The following C1orf21 variants were observed in gnomAD, a reference collection of about 807,000 sequenced individuals.
C1orf21 encodes uncharacterized protein C1orf21.
C1orf21 carries 3 observed loss-of-function variants against 18.7 expected under a neutral mutation model. The ratio of observed to expected loss-of-function variants is 0.16; its 90% CI spans 0.07 to 0.42. The LOEUF is 0.42. Ranked by LOEUF, C1orf21 falls within the 10% of genes least tolerant of loss-of-function variation. The pLI, the probability that C1orf21 is intolerant of heterozygous loss-of-function variation, is 0.99. For synonymous variants in C1orf21, 41 were observed against 46.4 expected, an observed-to-expected ratio of 0.88 and a Z score of 0.47; for missense variants, 104 against 143.6, an observed-to-expected ratio of 0.72 and a Z score of 1.41.
chr1:184,463,925 G>T (rs1657347243), intron 1 of C1orf21, among the ~76,000 whole-genome samples: 1 of 152,198 alleles, frequency 6.6e-6, no homozygotes, highest in African/African-American at 2.4e-5. Context: ...GATAAGACTT[G>T]TTCTGGACCT....
chr1:184,596,403 C>G (rs146299293), intron 4 of C1orf21, among the ~76,000 whole-genome samples: 1 of 152,018 alleles, frequency 6.6e-6, no homozygotes, highest in South Asian at 2.1e-4. Context: ...TATTTTTGGC[C>G]CTCCTGCTAT....
chr1:184,573,982 G>A (rs1407909405), intron 3 of C1orf21, among the ~76,000 whole-genome samples: 1 of 152,076 alleles, frequency 6.6e-6, no homozygotes, highest in African/African-American at 2.4e-5. Context: ...ATCACCTGAG[G>A]TCAGGAGTTT....
chr1:184,470,207 CT>C (rs1657473984), intron 1 of C1orf21, among the ~76,000 whole-genome samples: 1 of 152,078 alleles, frequency 6.6e-6, no homozygotes, highest in South Asian at 2.1e-4. Context: ...TATGAGGGCC[CT>C]CTGGGCAAGC....
At chr1:184,492,755 G>A (rs1358749250) in intron 2 of C1orf21, among the ~76,000 whole-genome samples, 1 of 152,198 alleles carries the variant, frequency 6.6e-6, no homozygotes, top group East Asian at 1.9e-4. Flanking sequence ...GCTAGTCAGT[G>A]AAGGATTCCA....
In C1orf21 at chr1:184,511,374, A is replaced by G. The variant is rs562124980; in HGVS notation, c.189+3692A>G. On this transcript the variant is annotated intron_variant, in intron 3 of 5. Coordinates refer to ENST00000235307, the MANE Select transcript of C1orf21 (RefSeq NM_030806.4). The stretch of plus-strand genomic sequence containing the variant: ...CGCTTTCTGGTAGCAGATAGCAGGC[A>G]TGTGACCTAAATTACCACAATTCAG... 3.9e-5 allele frequency among the ~76,000 whole-genome samples: 6 copies of G among 152,300 alleles called. 1 individual carries two copies. The South Asian group carries it at 1.0e-3, about 26-fold the overall frequency.
chr1:184,523,125 A>G (rs971663239), intron 3 of C1orf21, among the ~76,000 whole-genome samples: 18 of 152,226 alleles, frequency 1.2e-4, no homozygotes, highest in Admixed American at 3.3e-4. Flanking sequence ...TAGATAGTCT[A>G]CCCTTGAGGA....
At chr1:184,573,210 C>T (rs1659139325) in intron 3 of C1orf21, among the ~76,000 whole-genome samples, 2 of 152,196 alleles carry the variant, frequency 1.3e-5, no homozygotes, top group South Asian at 4.1e-4. Context: ...GCAGCGTTTA[C>T]CCCGAGATAA....
chr1:184,473,413 G>A (rs1399912890), intron 1 of C1orf21, among the ~76,000 whole-genome samples: 1 of 152,040 alleles, frequency 6.6e-6, no homozygotes, highest in Non-Finnish European at 1.5e-5. Context: ...AAACAATAGA[G>A]CATGTGAGGT....
chr1:184,428,215 A>G (rs528195581), intron 1 of C1orf21, among the ~76,000 whole-genome samples: 3 of 142,760 alleles, frequency 2.1e-5, no homozygotes, highest in South Asian at 4.4e-4. Flanking sequence ...CAACTATTGG[A>G]ACATTTTCCA....
At chr1:184,532,989 A>T (rs1658490186) in intron 3 of C1orf21, among the ~76,000 whole-genome samples, 2 of 152,198 alleles carry the variant, frequency 1.3e-5, no homozygotes, top group Admixed American at 6.5e-5. Flanking sequence ...TCTTACCACC[A>T]TCATGAGTAT....
chr1:184,619,486 T>C, intron 5 of C1orf21, 32 bp from the exon 6 acceptor site: 2 of 1,609,120 alleles, frequency 1.2e-6, no homozygotes, highest in African/African-American at 2.7e-5. Flanking sequence ...GAATTTCTCA[T>C]TCACATGCTC....
chr1:184,392,075 A>T (rs891871499), intron 1 of C1orf21, among the ~76,000 whole-genome samples: 17 of 152,314 alleles, frequency 1.1e-4, no homozygotes, highest in Non-Finnish European at 1.9e-4. Flanking sequence ...TGTATTTGAC[A>T]GGCGTTCCTT....
At chr1:184,517,178 T>C (rs1658242588) in intron 3 of C1orf21, among the ~76,000 whole-genome samples, 1 of 152,226 alleles carries the variant, frequency 6.6e-6, no homozygotes, top group Admixed American at 6.5e-5. Flanking sequence ...GGCTTGTAAA[T>C]GAATGTTAAA....
At chr1:184,561,804 G>A (rs1658969368) in intron 3 of C1orf21, among the ~76,000 whole-genome samples, 1 of 152,068 alleles carries the variant, frequency 6.6e-6, no homozygotes, top group Non-Finnish European at 1.5e-5. Flanking sequence ...TTTTAGTAGA[G>A]ACGGGGTTTC....
intron 3 of C1orf21, among the ~76,000 whole-genome samples, chr1:184,574,432 A>T (rs908577152): frequency 6.6e-6 from 1 of 152,242 alleles, no homozygotes; most frequent in Middle Eastern, 3.2e-3. Flanking sequence ...AAACCATATA[A>T]GTAGTCAGCT....
At chr1:184,456,728 G>T (rs1053540716) in intron 1 of C1orf21, among the ~76,000 whole-genome samples, 4 of 152,064 alleles carry the variant, frequency 2.6e-5, no homozygotes, top group Admixed American at 2.6e-4. Flanking sequence ...GACTCCATCC[G>T]ATAGGCACAC....
At chr1:184,398,541 C>A (rs149061961) in intron 1 of C1orf21, among the ~76,000 whole-genome samples, 2 of 152,302 alleles carry the variant, frequency 1.3e-5, no homozygotes, top group Admixed American at 1.3e-4. Context: ...AATAGATTGT[C>A]ATTTAACCAC....
intron 4 of C1orf21, among the ~76,000 whole-genome samples, chr1:184,594,415 C>T (rs938021042): frequency 2.0e-5 from 3 of 152,154 alleles, no homozygotes; most frequent in Admixed American, 6.5e-5. Flanking sequence ...TCAATTTCTA[C>T]ATGTACATGG....
intron 1 of C1orf21, among the ~76,000 whole-genome samples, chr1:184,461,674 G>A (rs761931722): frequency 2.6e-5 from 4 of 152,130 alleles, no homozygotes; most frequent in Non-Finnish European, 4.4e-5. Flanking sequence ...TCATTACACC[G>A]TGAATGATGG....
Sources: gnomAD v4.1 joint callset for allele counts (sites outside exome capture counted in the v4.1 genomes callset) on GRCh38, gnomAD v4.1.1 for gene constraint, MANE v1.5 for transcripts, NCBI Gene and HGNC (gene_info 2026-07-23, HGNC 2026-07-21) for gene names.